NFILZ: variants seen among roughly 807,000 people sequenced by gnomAD.
The protein encoded by NFILZ is NFIL3 like protein.
chr19:8,647,307 C>T lies in NFILZ; in HGVS notation c.-164+11561C>T, dbSNP rs548381142. Among the ~76,000 whole-genome samples, 10 of 152,290 alleles carry T rather than the reference C, an allele frequency of 6.6e-5. No homozygotes were observed. The South Asian group carries it at 1.0e-3, about 16-fold the overall frequency. On this transcript the variant is annotated intron_variant, in intron 3 of 5. Coordinates refer to ENST00000691075, the MANE Select transcript of NFILZ (RefSeq NM_001378600.1). ...ATGAGATCGGCCAGGCGCGGTGGCT[C>T]ATGCCTGTAATCCCAGCACTTTGTG...
chr19:8,648,099 G>A (rs1363341713), intron 3 of NFILZ, among the ~76,000 whole-genome samples: 2 of 148,810 alleles, frequency 1.3e-5, no homozygotes, highest in Non-Finnish European at 3.0e-5. Context: ...CTGTGAACCT[G>A]GGAGGTGGAG....
chr19:8,637,388 G>C (rs1333175361), intron 3 of NFILZ, among the ~76,000 whole-genome samples: 1 of 151,980 alleles, frequency 6.6e-6, no homozygotes, highest in Non-Finnish European at 1.5e-5. Context: ...ATAGAACTCA[G>C]CAACTCCTGA....
chr19:8,652,445 C>T (rs546251808), intron 3 of NFILZ, among the ~76,000 whole-genome samples: 42 of 152,124 alleles, frequency 2.8e-4, no homozygotes, highest in Non-Finnish European at 5.4e-4. Flanking sequence ...CATTGCAAAC[C>T]GTTAGGTGTA....
In NFILZ at chr19:8,636,253, G is replaced by T. The variant is rs561904609; in HGVS notation, c.-164+507G>T. On this transcript the variant is annotated intron_variant, in intron 3 of 5. Coordinates refer to ENST00000691075, the MANE Select transcript of NFILZ (RefSeq NM_001378600.1). ...TCACGGGGTCAGGAGTTCGAGACCA[G>T]CCTGACCAACATGGTGAAACCCCGT... Among the ~76,000 whole-genome samples the T allele has an allele frequency of 8.7e-4, 132 of 151,108 alleles. 1 individual carries two copies. The highest frequency in any genetic ancestry group is 2.9e-3 in the African/African-American group (119 of 41,444).
chr19:8,638,915 A>C (rs1451571227), intron 3 of NFILZ, among the ~76,000 whole-genome samples: 7 of 145,640 alleles, frequency 4.8e-5, no homozygotes, highest in African/African-American at 1.0e-4. Context: ...ACAATCTTGG[A>C]TCACCGCAAC....
intron 4 of NFILZ, among the ~76,000 whole-genome samples, chr19:8,675,737 A>G (rs1555750647): frequency 6.6e-6 from 1 of 152,226 alleles, no homozygotes; most frequent in Non-Finnish European, 1.5e-5. Context: ...AATGCACTCC[A>G]GCTTGGGTGA....
At chr19:8,676,310 C>T (rs572542442) in intron 4 of NFILZ, among the ~76,000 whole-genome samples, 49 bp from the exon 5 acceptor site, 4 of 152,246 alleles carry the variant, frequency 2.6e-5, no homozygotes, top group Admixed American at 1.3e-4. Context: ...ATTTTCTGAT[C>T]CCAAATTGGC....
In NFILZ at chr19:8,678,385, C is replaced by G. The variant is rs2146178300; in HGVS notation, c.*750C>G. Among the ~76,000 whole-genome samples, 1 of 152,018 alleles carries G rather than the reference C, an allele frequency of 6.6e-6. No individual in the cohort carries two copies. The highest frequency in any genetic ancestry group is 2.1e-4 in the South Asian group (1 of 4,804). On this transcript the variant is annotated 3_prime_UTR_variant, in exon 6 of 6. Coordinates refer to ENST00000691075, the MANE Select transcript of NFILZ (RefSeq NM_001378600.1). The stretch of plus-strand genomic sequence containing the variant: ...CCTTCTATCTATCCATCCATCCATT[C>G]ATTCATCCACCCATCCACCTATCTA...
intron 3 of NFILZ, among the ~76,000 whole-genome samples, chr19:8,666,535 C>T (rs1413507182): frequency 6.6e-6 from 1 of 151,978 alleles, no homozygotes; most frequent in African/African-American, 2.4e-5. Context: ...ACAACATCTG[C>T]CTATGATGAT....
intron 3 of NFILZ, among the ~76,000 whole-genome samples, chr19:8,639,150 G>T (rs552894454): frequency 5.3e-5 from 8 of 152,216 alleles, no homozygotes; most frequent in African/African-American, 1.9e-4. Context: ...GGCCTACTTG[G>T]CTGTTTAAGG....
intron 3 of NFILZ, among the ~76,000 whole-genome samples, chr19:8,647,791 G>A (rs138032273): frequency 0.041 from 2,894 of 69,748 alleles, 97 homozygotes; most frequent in African/African-American, 0.13. Flanking sequence ...GCGCGCGCGC[G>A]CGCGCACACA....
intron 3 of NFILZ, among the ~76,000 whole-genome samples, chr19:8,671,905 G>C (rs2043088750): frequency 1.3e-5 from 2 of 152,148 alleles, no homozygotes; most frequent in Admixed American, 6.5e-5. Flanking sequence ...GCTTGTCTGG[G>C]GTCTTGTCTG....
At chr19:8,654,986 C>T (rs970002183) in intron 3 of NFILZ, among the ~76,000 whole-genome samples, 1 of 152,230 alleles carries the variant, frequency 6.6e-6, no homozygotes, top group Admixed American at 6.5e-5. Flanking sequence ...GGGACAGGTT[C>T]CTGCCGACTC....
At position 8,678,147 on chromosome 19, in the gene NFILZ, G is replaced by A. The variant is rs1271140816; in HGVS notation, c.*512G>A. Among the ~76,000 whole-genome samples, 54 of 9,662 alleles carry A rather than the reference G, an allele frequency of 5.6e-3. 6 individuals carry two copies. The highest frequency in any genetic ancestry group is 9.2e-3 in the African/African-American group (29 of 3,146). The allele number at this position is 9,662 out of a possible 152,430, so 6.3% of individuals were successfully genotyped here. A position where few individuals can be genotyped will look rare whatever the true frequency, so the allele number is the denominator to read the frequency against. On this transcript the variant is annotated 3_prime_UTR_variant, in exon 6 of 6. Transcript: ENST00000691075. ...CATCCCTCCATCCATTCATCCACTT[G>A]TCCGTCCATCCATCCATCCATCCAT... is the stretch of plus-strand genomic sequence containing the variant.
Position 8,635,098 on chromosome 19 carries a change from T to C in NFILZ, c.-260-552T>C, listed in dbSNP as rs113643247. Among the ~76,000 whole-genome samples, 932 of 151,760 alleles carry C rather than the reference T, an allele frequency of 6.1e-3. 16 individuals are homozygous for C. The highest frequency in any genetic ancestry group is 0.021 in the African/African-American group (868 of 41,386). ...GCTGAGGCGGGTGGATCACTTGAGG[T>C]CAGGAGTTCAAGACCAGCCTGGCCA... On this transcript the variant is annotated intron_variant, in intron 2 of 5. Coordinates refer to ENST00000691075, the MANE Select transcript of NFILZ (RefSeq NM_001378600.1).
rs940833742 is a variant in NFILZ at position 8,671,111 on chromosome 19, A to C, written c.-163-3440A>C. ...TTAGAGGGGATGAGCTCCCTGTTAC[A>C]GAAGAGGACCAAACAGAGCTTTGAT... On this transcript the variant is annotated intron_variant, in intron 3 of 5. Coordinates refer to ENST00000691075, the MANE Select transcript of NFILZ (RefSeq NM_001378600.1). Among the ~76,000 whole-genome samples the C allele has an allele frequency of 2.6e-5, 4 of 152,112 alleles. No individual in the cohort carries two copies. In the East Asian group the frequency reaches 7.7e-4, roughly 29 times the overall value.
rs911427154 is a variant in NFILZ, at chr19:8,680,012, A to G, written c.*2377A>G. On this transcript the variant is annotated 3_prime_UTR_variant, in exon 6 of 6. Coordinates refer to ENST00000691075, the MANE Select transcript of NFILZ (RefSeq NM_001378600.1). ...GGAGTTCGAGACCAGCCTGGCCAAC[A>G]TGATGAAGCCCCGTCTCTAGTAAAA... Among the ~76,000 whole-genome samples, 2 of 152,016 alleles carry G rather than the reference A, an allele frequency of 1.3e-5. No homozygotes were observed. The highest frequency in any genetic ancestry group is 2.9e-5 in the Non-Finnish European group (2 of 68,014).
rs2043132313 is a variant in NFILZ, at chr19:8,679,015, T to C, written c.*1380T>C. 6.6e-6 allele frequency among the ~76,000 whole-genome samples: 1 copy of C among 152,036 alleles called. No individual in the cohort carries two copies. The highest frequency in any genetic ancestry group is 2.1e-4 in the South Asian group (1 of 4,826). On this transcript the variant is annotated 3_prime_UTR_variant, in exon 6 of 6. Transcript: ENST00000691075. ...TCTTGGTGTCCCCTGGGGGGCTTGC[T>C]TACCACCCAGTTTGAGGGGCAGACA...
At chr19:8,638,621 G>A (rs2042905712) in intron 3 of NFILZ, 1 of 152,328 alleles carries the variant, frequency 6.6e-6, no homozygotes, top group South Asian at 2.1e-4. Flanking sequence ...GGGCCAGGAA[G>A]GCAGAAATAA....
Sources: allele counts gnomAD v4.1 joint callset (sites outside exome capture counted in the v4.1 genomes callset), GRCh38; gene constraint gnomAD v4.1.1; transcripts MANE v1.5; gene names NCBI Gene and HGNC (gene_info 2026-07-23, HGNC 2026-07-21).